Variants in TGFBR3L observed in about 807,000 individuals in gnomAD.
The protein encoded by TGFBR3L is transforming growth factor-beta receptor type 3-like protein.
In TGFBR3L, 21 loss-of-function variants were observed where a neutral mutation model predicts 20.4. The observed-to-expected ratio is 1.03, with a 90% confidence interval of 0.73 to 1.48. The LOEUF (loss-of-function observed/expected upper bound fraction) is 1.48. Among genes scored for constraint, TGFBR3L ranks in the 40% most tolerant of loss-of-function variants. TGFBR3L has a pLI of 0.00. For synonymous variants in TGFBR3L, 245 were observed against 244.2 expected, an observed-to-expected ratio of 1.00 and a Z score of -0.03; for missense variants, 479 against 498.0, an observed-to-expected ratio of 0.96 and a Z score of 0.36.
chr19:7,916,040 C>G lies in TGFBR3L; in HGVS notation c.-228C>G. On this transcript the variant is annotated 5_prime_UTR_variant, in exon 1 of 6. Coordinates refer to ENST00000565886, the MANE Select transcript of TGFBR3L (RefSeq NM_001195259.2). ...GGAGCCGCCTGTCCTGCTGCGTCCC[C>G]AAGAGCAGCCCTGGGGAAGGTGGGG... 1 of 769,860 alleles carries G rather than the reference C, an allele frequency of 1.3e-6. No homozygotes were observed. The allele number at this position is 769,860 out of a possible 1,614,324, so 47.7% of individuals were successfully genotyped here.
In TGFBR3L at chr19:7,917,820, G is replaced by A; in HGVS notation, c.844G>A (p.Ala282Thr). The change falls in exon 4 of 6, where the codon GCG (alanine) becomes ACG (threonine). Residue 282 changes from alanine (A) to threonine (T), a missense_variant. Ala to Thr is a moderately conservative substitution (Grantham distance 58, BLOSUM62 0). Transcript: ENST00000565886. ...GTTGGCAGCCTTCGTGCTGGGCGCCGCGCTGGCCGCCGGGCTGGGTCTCGT... is the reference window on the plus strand; with the variant it reads ...GTTGGCAGCCTTCGTGCTGGGCGCCACGCTGGCCGCCGGGCTGGGTCTCGT... 2 of 1,393,226 alleles carry A rather than the reference G, an allele frequency of 1.4e-6. No homozygotes were observed. The highest frequency in any genetic ancestry group is 1.6e-5 in the South Asian group (1 of 63,312). 86.3% of individuals were successfully genotyped at this position (1,393,226 alleles called of 1,614,324 possible). A position where few individuals can be genotyped will look rare whatever the true frequency, so the allele number is the denominator to read the frequency against.
In TGFBR3L at chr19:7,918,132, A is replaced by T; in HGVS notation, c.*5+3A>T. ...CCCAGGAGGTCCCAGTGAGGAAGGT[A>T]GGTATGGAGGTGGAGGGAGCTGGGT... On this transcript the variant is annotated splice_donor_region_variant and intron_variant, in intron 5 of 5. Transcript: ENST00000565886. 6.5e-7 allele frequency: 1 copy of T among 1,535,170 alleles called. No homozygotes were observed. The highest frequency in any genetic ancestry group is 8.7e-7 in the Non-Finnish European group (1 of 1,146,290).
At position 7,917,614 on chromosome 19, in the gene TGFBR3L, C is replaced by T. The variant is rs1470560336; in HGVS notation, c.724+15C>T. On this transcript the variant is annotated intron_variant, in intron 3 of 5. Transcript: ENST00000565886. ...GCCGCCCCCCAGTGAGCACGCAGTC[C>T]TCCTCCGCATGGGGCCGTGGGGCGG... The T allele has an allele frequency of 6.8e-7, 1 of 1,460,886 alleles. No homozygotes were observed. Among genetic ancestry groups the T allele is most frequent in the Admixed American group, 2.4e-5 (1 of 41,942 alleles). The allele number at this position is 1,460,886 out of a possible 1,614,324, so 90.5% of individuals were successfully genotyped here. A position where few individuals can be genotyped will look rare whatever the true frequency, so the allele number is the denominator to read the frequency against.
chr19:7,916,065 G>A lies in TGFBR3L; in HGVS notation c.-203G>A, dbSNP rs1472412417. On this transcript the variant is annotated 5_prime_UTR_variant, in exon 1 of 6. Coordinates refer to ENST00000565886, the MANE Select transcript of TGFBR3L (RefSeq NM_001195259.2). ...CAAGAGCAGCCCTGGGGAAGGTGGG[G>A]GAGCTCTGACTTCACCCAGCCGGAC... is the stretch of plus-strand genomic sequence containing the variant. 1 of 1,004,464 alleles carries A rather than the reference G, an allele frequency of 1.0e-6. No individual in the cohort carries two copies. Among genetic ancestry groups the A allele is most frequent in the African/African-American group, 1.6e-5 (1 of 60,740 alleles). 62.2% of individuals were successfully genotyped at this position (1,004,464 alleles called of 1,614,324 possible). A position where few individuals can be genotyped will look rare whatever the true frequency, so the allele number is the denominator to read the frequency against.
intron 5 of TGFBR3L, chr19:7,918,560 A>T (rs1983430709): frequency 3.6e-6 from 1 of 278,254 alleles, no homozygotes; most frequent in Non-Finnish European, 6.7e-6. Flanking sequence ...TAAATGTTTT[A>T]CGCCTATGAA....
At chr19:7,917,338 G>A in intron 2 of TGFBR3L, 135 bp from the exon 4 acceptor site, 1 of 1,317,938 alleles carries the variant, frequency 7.6e-7, no homozygotes. Flanking sequence ...CACCCTAAGG[G>A]GCCGGATTTC....
At position 7,916,471 on chromosome 19, in the gene TGFBR3L, C is replaced by G. The variant is rs780926585; in HGVS notation, c.204C>G (p.Ser68=). Residue 68 remains serine, a synonymous_variant, in exon 1 of 6, where the codon TCC becomes TCG. Coordinates refer to ENST00000565886, the MANE Select transcript of TGFBR3L (RefSeq NM_001195259.2). ...GACCCCTCTTCAGCCTGAAGCTGTC[C>G]GACACAGAGGACGTCTTTCCTCGCC... 1 of 1,532,522 alleles carries G rather than the reference C, an allele frequency of 6.5e-7. No homozygotes were observed. Among genetic ancestry groups the G allele is most frequent in the East Asian group, 2.5e-5 (1 of 40,764 alleles). The allele number at this position is 1,532,522 out of a possible 1,614,324, so 94.9% of individuals were successfully genotyped here. A position where few individuals can be genotyped will look rare whatever the true frequency, so the allele number is the denominator to read the frequency against.
rs2145153481 is a variant in TGFBR3L at position 7,915,408 on chromosome 19, C to T, written c.-860C>T. On this transcript the variant is annotated 5_prime_UTR_variant, in exon 1 of 6. Coordinates refer to ENST00000565886, the MANE Select transcript of TGFBR3L (RefSeq NM_001195259.2). Reference sequence around the variant, plus strand: ...ATCCCCACTTCGGCAAAGCTCCCTGCAGCCACGGAGAGGGCCAGAGTTGTG... The same window carrying T: ...ATCCCCACTTCGGCAAAGCTCCCTGTAGCCACGGAGAGGGCCAGAGTTGTG... Among the ~76,000 whole-genome samples the T allele has an allele frequency of 6.6e-6, 1 of 152,324 alleles. No homozygotes were observed. Among genetic ancestry groups the T allele is most frequent in the East Asian group, 1.9e-4 (1 of 5,178 alleles).
chr19:7,917,821 C>T lies in TGFBR3L; in HGVS notation c.845C>T (p.Ala282Val). 1.4e-6 allele frequency: 2 copies of T among 1,391,022 alleles called. No homozygotes were observed. The highest frequency in any genetic ancestry group is 1.9e-6 in the Non-Finnish European group (2 of 1,080,256). 86.2% of individuals were successfully genotyped at this position (1,391,022 alleles called of 1,614,324 possible). A position where few individuals can be genotyped will look rare whatever the true frequency, so the allele number is the denominator to read the frequency against. Residue 282 changes from alanine to valine, a missense_variant, in exon 4 of 6, where the codon GCG becomes GTG. Ala to Val is a moderately conservative substitution (Grantham distance 64). Transcript: ENST00000565886. ...TTGGCAGCCTTCGTGCTGGGCGCCG[C>T]GCTGGCCGCCGGGCTGGGTCTCGTC...
chr19:7,916,425 C>G lies in TGFBR3L; in HGVS notation c.158C>G (p.Ala53Gly), dbSNP rs1178975582. Residue 53 changes from alanine to glycine, a missense_variant, in exon 1 of 6, where the codon GCG (alanine) becomes GGG (glycine). Physicochemically the swap from Ala to Gly is moderately conservative, Grantham distance 60. Transcript: ENST00000565886. ...CCGCCAGCTCCCCCGTTCCCCGCGG[C>G]GCCCGGCCCCTGGCTGCGCAGACCC... The G allele has an allele frequency of 6.5e-7, 1 of 1,534,800 alleles. No individual in the cohort carries two copies. Among genetic ancestry groups the G allele is most frequent in the Non-Finnish European group, 8.7e-7 (1 of 1,146,332 alleles).
chr19:7,917,725 G>T lies in TGFBR3L; in HGVS notation c.749G>T (p.Arg250Leu), dbSNP rs777581848. Residue 250 changes from arginine to leucine, a missense_variant, in exon 4 of 6, where the codon CGT becomes CTT. Transcript: ENST00000565886. ...GGGCCGCCCAAGAGTGTCCCCGGCC[G>T]TGCAGTGCGCCCTGAGCCTCCCGCG... is the stretch of plus-strand genomic sequence containing the variant. The T allele has an allele frequency of 2.8e-6, 4 of 1,425,270 alleles. No homozygotes were observed. In the South Asian group the frequency reaches 5.8e-5, roughly 21 times the overall value. The allele number at this position is 1,425,270 out of a possible 1,614,324, so 88.3% of individuals were successfully genotyped here. A position where few individuals can be genotyped will look rare whatever the true frequency, so the allele number is the denominator to read the frequency against.
In TGFBR3L at chr19:7,916,161, C is replaced by T. The variant is rs945419592; in HGVS notation, c.-107C>T. On this transcript the variant is annotated 5_prime_UTR_variant, in exon 1 of 6. Transcript: ENST00000565886. ...GGCTTCGCCAGCTTCGGAGGCTTCT[C>T]TAGGGGCGCATGGCTCTGCAACCGG... 2.1e-6 allele frequency: 3 copies of T among 1,452,774 alleles called. No homozygotes were observed. The highest frequency in any genetic ancestry group is 1.4e-5 in the African/African-American group (1 of 70,268). 90.0% of individuals were successfully genotyped at this position (1,452,774 alleles called of 1,614,324 possible).
intron 5 of TGFBR3L, among the ~76,000 whole-genome samples, 151 bp downstream of exon 6, chr19:7,918,280 AG>A (rs1313935500): frequency 6.6e-6 from 1 of 152,182 alleles, no homozygotes; most frequent in Non-Finnish European, 1.5e-5. Context: ...CTTGTTGCCC[AG>A]GCGGGAGTGC....
At position 7,916,373 on chromosome 19, in the gene TGFBR3L, C is replaced by A. The variant is rs1381289148; in HGVS notation, c.106C>A (p.Leu36Ile). ...AGGCCTAAAGGGCAGCGCGCGTTTTCTCTCCTTTGGGCCGCCCTTCCCCGC... is the reference window on the plus strand; with the variant it reads ...AGGCCTAAAGGGCAGCGCGCGTTTTATCTCCTTTGGGCCGCCCTTCCCCGC... The change falls in exon 1 of 6, where the codon CTC (leucine) becomes ATC (isoleucine). Residue 36 changes from leucine to isoleucine, a missense_variant. By Grantham distance (5) the Leu-to-Ile change is conservative. Transcript: ENST00000565886. 6.5e-7 allele frequency: 1 copy of A among 1,535,638 alleles called. No individual in the cohort carries two copies.
At chr19:7,918,212 G>C (rs941407646) in intron 5 of TGFBR3L, 83 bp downstream of exon 6, 2 of 1,412,010 alleles carry the variant, frequency 1.4e-6, no homozygotes, top group Admixed American at 2.2e-5. Flanking sequence ...GCCAGGCACT[G>C]TGGTTTTTTT....
rs532150246 is a variant in TGFBR3L, at chr19:7,916,578, G to C, written c.276+35G>C. On this transcript the variant is annotated intron_variant, in intron 1 of 5. Transcript: ENST00000565886. Reference sequence around the variant, plus strand: ...CCGGGGACACCAGGGGCGGATGGGGGCCGGTGGGGACGGGCGATCCCTGAT... The same window carrying C: ...CCGGGGACACCAGGGGCGGATGGGGCCCGGTGGGGACGGGCGATCCCTGAT... 3 of 1,442,542 alleles carry C rather than the reference G, an allele frequency of 2.1e-6. No individual in the cohort carries two copies. The East Asian group carries it at 7.8e-5, about 37-fold the overall frequency. The allele number at this position is 1,442,542 out of a possible 1,614,324, so 89.4% of individuals were successfully genotyped here. A position where few individuals can be genotyped will look rare whatever the true frequency, so the allele number is the denominator to read the frequency against.
chr19:7,917,290 C>A (rs560168629), intron 2 of TGFBR3L, among the ~76,000 whole-genome samples, 183 bp from the exon 4 acceptor site: 1 of 152,014 alleles, frequency 6.6e-6, no homozygotes, highest in Admixed American at 6.6e-5. Context: ...AGGGGCTGGG[C>A]GGCTAGCCAC....
chr19:7,917,328 C>A, intron 2 of TGFBR3L, 145 bp from the exon 4 acceptor site: 1 of 1,247,538 alleles, frequency 8.0e-7, no homozygotes, highest in Non-Finnish European at 1.0e-6. Context: ...GGGCTCAGGG[C>A]ACCCTAAGGG....
intron 2 of TGFBR3L, 180 bp downstream of exon 3, chr19:7,917,122 T>A (rs1448907578): frequency 2.0e-6 from 2 of 1,019,788 alleles, no homozygotes; most frequent in Non-Finnish European, 2.6e-6. Context: ...GGACACTGGG[T>A]TCCCCCATGG....
Sources: gnomAD v4.1 joint callset for allele counts (sites outside exome capture counted in the v4.1 genomes callset) on GRCh38, gnomAD v4.1.1 for gene constraint, MANE v1.5 for transcripts, NCBI Gene and HGNC (gene_info 2026-07-23, HGNC 2026-07-21) for gene names.